The following PRSS23 variants were observed in gnomAD, a reference collection of about 807,000 sequenced individuals.
The protein encoded by PRSS23 is serine protease 23.
In PRSS23, 25 loss-of-function variants were observed where a neutral mutation model predicts 34.7. The ratio of observed to expected loss-of-function variants is 0.72; its 90% CI spans 0.53 to 1.01. PRSS23 has a LOEUF of 1.01. Ranked by LOEUF, PRSS23 falls within the 50% of genes least tolerant of loss-of-function variation. The pLI is 0.00. For missense variants in PRSS23, 445 were observed against 475.6 expected, an observed-to-expected ratio of 0.94 and a Z score of 0.60; for synonymous variants, 176 against 186.6, an observed-to-expected ratio of 0.94 and a Z score of 0.46.
At chr11:86,883,753 A>C (rs1011783920) in intron 2 of PRSS23, among the ~76,000 whole-genome samples, 1 of 152,148 alleles carries the variant, frequency 6.6e-6, no homozygotes, top group Admixed American at 6.5e-5. Context: ...TGTGTATCCT[A>C]TATGTTTTGG....
At chr11:86,826,195 C>A (rs983803328) in intron 2 of PRSS23, among the ~76,000 whole-genome samples, 1 of 151,852 alleles carries the variant, frequency 6.6e-6, no homozygotes, top group Non-Finnish European at 1.5e-5. Flanking sequence ...AGGTCCTTCA[C>A]GTCCCTTGTA....
intron 2 of PRSS23, among the ~76,000 whole-genome samples, chr11:86,927,941 CAA>C (rs757273991): frequency 7.5e-6 from 1 of 133,992 alleles, no homozygotes. Flanking sequence ...AACTCCGTCT[CAA>C]AAAAAAAAAA....
intron 2 of PRSS23, among the ~76,000 whole-genome samples, chr11:86,929,365 G>A (rs1949108258): frequency 6.6e-6 from 1 of 151,158 alleles, no homozygotes; most frequent in African/African-American, 2.4e-5. Context: ...ACTCAAGGCC[G>A]GGTGTAGTGG....
intron 2 of PRSS23, chr11:86,946,837 T>G (rs1023005827): frequency 6.6e-6 from 1 of 152,218 alleles, no homozygotes; most frequent in African/African-American, 2.4e-5. Context: ...TGACTCGACA[T>G]GATTGACTGG....
chr11:86,951,021 C>T, intron 2 of PRSS23: 1 of 1,058,268 alleles, frequency 9.4e-7, no homozygotes, highest in Non-Finnish European at 1.5e-6. Context: ...TGACGGGGGT[C>T]ACTTAATTGT....
chr11:86,797,560 G>A (rs1947989374), upstream of PRSS23, among the ~76,000 whole-genome samples: 1 of 152,158 alleles, frequency 6.6e-6, no homozygotes, highest in Non-Finnish European at 1.5e-5. Context: ...GGACTGTTGT[G>A]CTCTTGGGCC....
At chr11:86,885,142 A>C (rs1265973354) in intron 2 of PRSS23, among the ~76,000 whole-genome samples, 1 of 152,212 alleles carries the variant, frequency 6.6e-6, no homozygotes, top group African/African-American at 2.4e-5. Context: ...TTAAATCTCC[A>C]TTGTTCAGTA....
rs536374426 is a variant in PRSS23 at position 86,933,722 on chromosome 11, G to A, written c.207-17494G>A. 2.0e-5 allele frequency: 3 copies of A among 152,330 alleles called. No individual in the cohort carries two copies. The South Asian group carries it at 6.2e-4, about 32-fold the overall frequency. The allele number at this position is 152,330 out of a possible 1,614,324, so 9.4% of individuals were successfully genotyped here. A position where few individuals can be genotyped will look rare whatever the true frequency, so the allele number is the denominator to read the frequency against. ...ACTTGCCGTGGGTCACACAGCAGAT[G>A]ACTATTGGAGCTGGAATCTGAACCA... On this transcript the variant is annotated intron_variant, in intron 2 of 2. Transcript: ENST00000533902.
intron 2 of PRSS23, among the ~76,000 whole-genome samples, chr11:86,848,550 C>T (rs12801911): frequency 0.068 from 10,377 of 152,252 alleles, 449 homozygotes; most frequent in East Asian, 0.16. Flanking sequence ...AGAAAATCCC[C>T]TCAGCCTTTC....
intron 2 of PRSS23, among the ~76,000 whole-genome samples, chr11:86,861,263 C>CG (rs1565369305): frequency 8.0e-5 from 12 of 149,340 alleles, no homozygotes; most frequent in African/African-American, 2.2e-4. Context: ...CTCAATGTCG[C>CG]GGGGGGTGTC....
intron 2 of PRSS23, among the ~76,000 whole-genome samples, chr11:86,873,514 C>T (rs975950953): frequency 1.3e-5 from 2 of 151,844 alleles, no homozygotes; most frequent in Admixed American, 1.3e-4. Flanking sequence ...AACTCCTGAA[C>T]TCAAGCGATC....
At chr11:86,910,675 C>G (rs915092581) in intron 2 of PRSS23, 5 of 152,150 alleles carry the variant, frequency 3.3e-5, no homozygotes, top group Admixed American at 2.0e-4. Flanking sequence ...TAAATATTCT[C>G]TCTCTCAGAC....
intron 2 of PRSS23, chr11:86,936,057 C>T (rs1024055058): frequency 2.0e-5 from 3 of 152,174 alleles, no homozygotes; most frequent in Non-Finnish European, 2.9e-5. Context: ...GCATCTCCCA[C>T]TGAAGCAGAA....
At chr11:86,895,477 C>CTTTTTTTTTTTTTTTTT (rs71040269) in intron 2 of PRSS23, among the ~76,000 whole-genome samples, 2 of 86,636 alleles carry the variant, frequency 2.3e-5, no homozygotes, top group Non-Finnish European at 4.1e-5. Context: ...TTATTTTATC[C>CTTTTTTTTTTTTTTTTT]TTTTTTTTTT....
chr11:86,828,623 C>T (rs961173379), intron 2 of PRSS23, among the ~76,000 whole-genome samples: 252 of 152,258 alleles, frequency 1.7e-3, no homozygotes, highest in African/African-American at 5.7e-3. Context: ...GATTTTGCAG[C>T]GGCTGGTACC....
intron 2 of PRSS23, among the ~76,000 whole-genome samples, chr11:86,924,768 C>T (rs1383286709): frequency 6.6e-6 from 1 of 152,186 alleles, no homozygotes; most frequent in African/African-American, 2.4e-5. Flanking sequence ...TCCAAGGGCT[C>T]CCCAAAACCT....
intron 1 of PRSS23, chr11:86,821,371 G>T: frequency 9.8e-7 from 1 of 1,023,196 alleles, no homozygotes; most frequent in South Asian, 1.5e-5. Flanking sequence ...GTTTTGCTAC[G>T]GATTACTTCT....
At chr11:86,827,083 T>G (rs1345082008) in intron 2 of PRSS23, among the ~76,000 whole-genome samples, 1 of 152,180 alleles carries the variant, frequency 6.6e-6, no homozygotes, top group Admixed American at 6.5e-5. Flanking sequence ...AGTTCCTCCT[T>G]GTACCTCTGG....
At chr11:86,855,113 C>G (rs946791099) in intron 2 of PRSS23, among the ~76,000 whole-genome samples, 4 of 151,596 alleles carry the variant, frequency 2.6e-5, no homozygotes, top group African/African-American at 9.7e-5. Context: ...TTGTGGTGAG[C>G]TGAGATCACA....
Sources: allele counts gnomAD v4.1 joint callset (sites outside exome capture counted in the v4.1 genomes callset), GRCh38; gene constraint gnomAD v4.1.1; transcripts MANE v1.5; gene names NCBI Gene and HGNC (gene_info 2026-07-23, HGNC 2026-07-21).